The following ATXN1 variants were observed in gnomAD, a reference collection of about 807,000 sequenced individuals.
ATXN1 encodes ataxin-1.
In ATXN1, 8 loss-of-function variants were observed where a neutral mutation model predicts 56.4. The observed-to-expected ratio is 0.14, with a 90% CI of 0.08 to 0.26. The LOEUF is 0.26. ATXN1 is among the 10% of genes least tolerant of loss of function. The probability of loss-of-function intolerance (pLI) is 1.00; values close to 1 mark genes in which losing one functional copy is unlikely to be tolerated. For synonymous variants in ATXN1, 514 were observed against 494.6 expected (o/e 1.04, Z -0.52); for missense variants, 987 against 1,106.5 (o/e 0.89, Z 1.53).
intron 6 of ATXN1, among the ~76,000 whole-genome samples, chr6:16,367,533 A>G (rs148080439): frequency 3.0e-4 from 46 of 152,338 alleles, no homozygotes; most frequent in African/African-American, 1.0e-3. Flanking sequence ...ACTCGATTGT[A>G]TAGGTCAAAT....
intron 2 of ATXN1, among the ~76,000 whole-genome samples, chr6:16,715,933 A>G (rs950234946): frequency 4.6e-5 from 7 of 152,154 alleles, no homozygotes; most frequent in African/African-American, 1.7e-4. Flanking sequence ...GATACCATGC[A>G]CACTCAAGCC....
At chr6:16,395,270 C>CAAAAAAAAAAAAAAAAAAAAAAAAAAA (rs748314030) in intron 6 of ATXN1, among the ~76,000 whole-genome samples, 12 of 48,452 alleles carry the variant, frequency 2.5e-4, no homozygotes, top group Non-Finnish European at 3.2e-4. Flanking sequence ...AACTCCGTCT[C>CAAAAAAAAAAAAAAAAAAAAAAAAAAA]AAAAAAAAAA....
intron 6 of ATXN1, among the ~76,000 whole-genome samples, chr6:16,395,568 G>A (rs999757239): frequency 4.6e-5 from 7 of 152,074 alleles, no homozygotes; most frequent in Non-Finnish European, 7.4e-5. Context: ...ATATATAAAC[G>A]TCCTGCAGTG....
At chr6:16,473,254 C>T (rs1760257490) in intron 6 of ATXN1, among the ~76,000 whole-genome samples, 1 of 152,138 alleles carries the variant, frequency 6.6e-6, no homozygotes, top group African/African-American at 2.4e-5. Flanking sequence ...CTGAAAAATA[C>T]CCAGCCACTC....
chr6:16,500,878 T>C (rs1426341052), intron 5 of ATXN1, among the ~76,000 whole-genome samples: 1 of 151,970 alleles, frequency 6.6e-6, no homozygotes, highest in Admixed American at 6.6e-5. Context: ...AAATCTCCCA[T>C]ACTTAAATAT....
intron 3 of ATXN1, among the ~76,000 whole-genome samples, chr6:16,591,534 G>A (rs957347607): frequency 6.6e-6 from 1 of 152,078 alleles, no homozygotes; most frequent in Non-Finnish European, 1.5e-5. Flanking sequence ...CATTATGCTG[G>A]TCCTTCAATC....
intron 6 of ATXN1, among the ~76,000 whole-genome samples, chr6:16,382,028 T>C (rs531939552): frequency 7.9e-5 from 12 of 152,292 alleles, no homozygotes; most frequent in African/African-American, 2.9e-4. Flanking sequence ...TGGCTATTAG[T>C]AATTCTACCC....
chr6:16,609,012 A>T (rs1763059163), intron 3 of ATXN1, among the ~76,000 whole-genome samples: 1 of 152,240 alleles, frequency 6.6e-6, no homozygotes. Flanking sequence ...CAGTGCTGAA[A>T]AAAAAGGAGG....
chr6:16,719,929 C>T (rs9396707), intron 2 of ATXN1, among the ~76,000 whole-genome samples: 36,144 of 152,080 alleles, frequency 0.24, 4,870 homozygotes, highest in East Asian at 0.39. Flanking sequence ...CAGACGTCTG[C>T]CCTCCAGAAC....
chr6:16,684,953 T>C (rs1461509594), intron 2 of ATXN1, among the ~76,000 whole-genome samples: 1 of 151,354 alleles, frequency 6.6e-6, no homozygotes, highest in Non-Finnish European at 1.5e-5. Flanking sequence ...CACAAGTGAG[T>C]GAAATTTTCT....
chr6:16,517,662 CAG>C (rs958761432), intron 5 of ATXN1, among the ~76,000 whole-genome samples: 1 of 151,482 alleles, frequency 6.6e-6, no homozygotes, highest in Admixed American at 6.6e-5. Flanking sequence ...ATTACAGAGC[CAG>C]AGAGAGAGAG....
intron 6 of ATXN1, among the ~76,000 whole-genome samples, chr6:16,483,944 C>T (rs1294539556): frequency 6.6e-6 from 1 of 152,172 alleles, no homozygotes; most frequent in Non-Finnish European, 1.5e-5. Context: ...CTAACAGTTA[C>T]CTGATTGGGA....
chr6:16,312,580 G>A (rs1360055065), intron 7 of ATXN1, among the ~76,000 whole-genome samples: 1 of 152,082 alleles, frequency 6.6e-6, no homozygotes, highest in African/African-American at 2.4e-5. Context: ...GCTGGGCACG[G>A]TGGCTCACGC....
intron 7 of ATXN1, among the ~76,000 whole-genome samples, chr6:16,310,836 T>C (rs527428844): frequency 1.6e-4 from 25 of 152,282 alleles, no homozygotes; most frequent in Non-Finnish European, 1.3e-4. Context: ...ACATGCATAA[T>C]TGAAGTACCA....
rs113602069 is a variant in ATXN1 at position 16,681,207 on chromosome 6, C to T, written c.-614-23306G>A. On this transcript the variant is annotated intron_variant, in intron 2 of 7. Coordinates refer to ENST00000436367, the MANE Select transcript of ATXN1 (RefSeq NM_001128164.2). ...TCTGTTCCTCTTGGAAGAAAAGGTG[C>T]CACTGAGGACAAGGGAACAAGAATC... is the stretch of plus-strand genomic sequence containing the variant. Among the ~76,000 whole-genome samples the T allele has an allele frequency of 7.9e-5, 12 of 152,306 alleles. No individual in the cohort carries two copies. In the East Asian group the frequency reaches 1.9e-3, roughly 24 times the overall value.
At chr6:16,740,594 T>C in intron 2 of ATXN1, among the ~76,000 whole-genome samples, 1 of 152,216 alleles carries the variant, frequency 6.6e-6, no homozygotes, top group East Asian at 1.9e-4. Context: ...CTCAAAAAGC[T>C]CAACTTTAAA....
intron 2 of ATXN1, among the ~76,000 whole-genome samples, chr6:16,725,919 G>C (rs1191366709): frequency 1.3e-5 from 2 of 152,168 alleles, no homozygotes; most frequent in African/African-American, 4.8e-5. Flanking sequence ...GTAAATATTT[G>C]CTAAATAAAG....
intron 6 of ATXN1, among the ~76,000 whole-genome samples, chr6:16,435,312 A>G (rs9477135): frequency 0.85 from 129,706 of 152,086 alleles, 55,874 homozygotes; most frequent in East Asian, 0.99. Context: ...GGAGTCATGG[A>G]TCCATCAAGG....
At chr6:16,352,696 T>G (rs1460489953) in intron 6 of ATXN1, among the ~76,000 whole-genome samples, 3 of 152,064 alleles carry the variant, frequency 2.0e-5, no homozygotes, top group East Asian at 1.9e-4. Context: ...GCCTTATCCA[T>G]GAGGAATAGG....
Sources: gnomAD v4.1 joint callset for allele counts (sites outside exome capture counted in the v4.1 genomes callset) on GRCh38, gnomAD v4.1.1 for gene constraint, MANE v1.5 for transcripts, NCBI Gene and HGNC (gene_info 2026-07-23, HGNC 2026-07-21) for gene names.